PHF20L1: variants seen among roughly 807,000 people sequenced by gnomAD.
The protein encoded by PHF20L1 is PHD finger protein 20 like 1.
A neutral mutation model predicts 125.5 loss-of-function variants in PHF20L1; 44 were observed. The observed-to-expected ratio is 0.35, with a 90% CI of 0.28 to 0.45. The LOEUF (loss-of-function observed/expected upper bound fraction) is 0.45. Ranked by LOEUF, PHF20L1 falls within the 20% of genes least tolerant of loss-of-function variation. PHF20L1 has a pLI of 1.00. For synonymous variants in PHF20L1, 380 were observed against 403.1 expected, an observed-to-expected ratio of 0.94 and a Z score of 0.69; for missense variants, 1,012 against 1,217.2, an observed-to-expected ratio of 0.83 and a Z score of 2.51.
At chr8:132,822,256 C>T (rs929806755) in intron 12 of PHF20L1, among the ~76,000 whole-genome samples, 5 of 151,874 alleles carry the variant, frequency 3.3e-5, no homozygotes, top group African/African-American at 7.2e-5. Context: ...TGTTAACTTC[C>T]GTGTTTCTGG....
chr8:132,817,183 T>C, intron 11 of PHF20L1, 107 bp downstream of exon 11: 1 of 909,178 alleles, frequency 1.1e-6, no homozygotes, highest in Non-Finnish European at 1.6e-6. Flanking sequence ...TTATATCTTC[T>C]GGAGTTATAA....
chr8:132,781,032 G>A (rs1368053234), intron 2 of PHF20L1, among the ~76,000 whole-genome samples: 1 of 151,864 alleles, frequency 6.6e-6, no homozygotes, highest in Admixed American at 6.6e-5. Context: ...AATTTTTTTT[G>A]TAGAGATGAA....
chr8:132,813,134 G>A, intron 9 of PHF20L1: 2 of 973,242 alleles, frequency 2.1e-6, no homozygotes, highest in Non-Finnish European at 2.4e-6. Context: ...AGTAATGGAT[G>A]CTGTAGTGAT....
intron 1 of PHF20L1, among the ~76,000 whole-genome samples, chr8:132,776,167 C>T (rs1415444729): frequency 6.6e-6 from 1 of 152,176 alleles, no homozygotes; most frequent in Non-Finnish European, 1.5e-5. Context: ...TATGAAAGTT[C>T]CTTAATTCAA....
intron 7 of PHF20L1, among the ~76,000 whole-genome samples, chr8:132,804,368 T>G (rs1051102034): frequency 6.6e-6 from 1 of 151,878 alleles, no homozygotes; most frequent in Non-Finnish European, 1.5e-5. Flanking sequence ...TGTGTATGCT[T>G]CAATATATAA....
At chr8:132,807,740 A>C (rs1178117414) in intron 8 of PHF20L1, 1 of 455,752 alleles carries the variant, frequency 2.2e-6, no homozygotes, top group African/African-American at 2.0e-5. Context: ...CCAGCTGTGT[A>C]TTTTATAGCT....
chr8:132,817,623 G>T (rs1835123606), intron 12 of PHF20L1, 78 bp downstream of exon 12: 2 of 914,854 alleles, frequency 2.2e-6, no homozygotes, highest in Admixed American at 2.7e-5. Context: ...ACATTTTGAG[G>T]TTTAACTACA....
intron 6 of PHF20L1, among the ~76,000 whole-genome samples, chr8:132,802,144 CTT>C (rs11326219): frequency 0.021 from 2,976 of 143,672 alleles, 96 homozygotes; most frequent in African/African-American, 0.069. Flanking sequence ...TCTCTCAATC[CTT>C]TTTTTTTTTT....
intron 16 of PHF20L1, 35 bp downstream of exon 16, chr8:132,836,756 AGTT>A: frequency 6.7e-7 from 1 of 1,494,386 alleles, no homozygotes; most frequent in Middle Eastern, 1.7e-4. Flanking sequence ...ATAATGAGTT[AGTT>A]GTTTCAGGTG....
chr8:132,804,929 A>G (rs1244957748), intron 8 of PHF20L1, among the ~76,000 whole-genome samples, 189 bp downstream of exon 8: 2 of 151,950 alleles, frequency 1.3e-5, no homozygotes, highest in Admixed American at 6.6e-5. Context: ...GTAAAATGTG[A>G]AAAATACCAC....
At chr8:132,798,569 G>A (rs1019246835) in intron 4 of PHF20L1, among the ~76,000 whole-genome samples, 1 of 151,906 alleles carries the variant, frequency 6.6e-6, no homozygotes, top group African/African-American at 2.4e-5. Context: ...GACTTAATTT[G>A]TGTACTTGTT....
intron 15 of PHF20L1, among the ~76,000 whole-genome samples, chr8:132,833,276 C>T (rs1195059442): frequency 1.3e-5 from 2 of 152,084 alleles, no homozygotes; most frequent in African/African-American, 2.4e-5. Flanking sequence ...TTTGCTTTTG[C>T]ACCGTTTGCT....
intron 14 of PHF20L1, among the ~76,000 whole-genome samples, chr8:132,827,485 G>C (rs1423022360): frequency 1.3e-5 from 2 of 152,124 alleles, no homozygotes; most frequent in East Asian, 1.9e-4. Flanking sequence ...GTTCTGTTCT[G>C]ATATTTAGTA....
At position 132,844,163 on chromosome 8, in the gene PHF20L1, C is replaced by G. The variant is rs1168135847; in HGVS notation, c.2756C>G (p.Ala919Gly). ...KEHGMPEKNP[A>G]EGNTVFVYND... ...AATGGTCCTTTGGAGAAGAATCCAG[C>G]TGAAGGGAATACAGTATTTGTTTAT... Residue 919 changes from alanine to glycine, a missense_variant, in exon 20 of 21, where the codon GCT becomes GGT. Around this residue, in one of 7 missense-constraint regions of PHF20L1, gnomAD observed 277 missense variants for 283.6 expected, o/e 0.98. Transcript: ENST00000395386. 3.1e-6 allele frequency: 5 copies of G among 1,611,890 alleles called. No homozygotes were observed. The highest frequency in any genetic ancestry group is 4.2e-6 in the Non-Finnish European group (5 of 1,178,774).
chr8:132,836,371 CT>C, intron 15 of PHF20L1, 168 bp from the exon 16 acceptor site: 1 of 499,932 alleles, frequency 2.0e-6, no homozygotes, highest in Non-Finnish European at 3.5e-6. Context: ...CTTCAAAAAT[CT>C]TTTGTTTCCA....
intron 6 of PHF20L1, among the ~76,000 whole-genome samples, chr8:132,801,025 T>C (rs1193491681): frequency 1.3e-5 from 2 of 151,552 alleles, no homozygotes; most frequent in Non-Finnish European, 3.0e-5. Context: ...AACTGACATA[T>C]ATTATAGGAG....
intron 9 of PHF20L1, among the ~76,000 whole-genome samples, chr8:132,814,396 A>G (rs235433): frequency 0.41 from 62,643 of 151,670 alleles, 13,066 homozygotes; most frequent in South Asian, 0.51. Context: ...AAATATTATG[A>G]ATAATATATT....
chr8:132,825,272 AAAG>A lies in PHF20L1; in HGVS notation c.1648_1650del (p.Glu550del). 6.3e-7 allele frequency: 1 copy of A among 1,575,646 alleles called. No individual in the cohort carries two copies. The highest frequency in any genetic ancestry group is 8.7e-7 in the Non-Finnish European group (1 of 1,149,496). On this transcript the variant is annotated inframe_deletion, in exon 14 of 21. Coordinates refer to ENST00000395386, the MANE Select transcript of PHF20L1 (RefSeq NM_016018.5). ...TCACTTTTATCTTTTAGGTAAGAGA[AAAG>A]AAAAAGATAAGGAAAGAAGAGAGAA...
chr8:132,797,862 C>T (rs1238312146), intron 4 of PHF20L1, among the ~76,000 whole-genome samples: 1 of 151,846 alleles, frequency 6.6e-6, no homozygotes, highest in Non-Finnish European at 1.5e-5. Flanking sequence ...TTTATAAAGA[C>T]CAAGTATCTG....
Sources: allele counts gnomAD v4.1 joint callset (sites outside exome capture counted in the v4.1 genomes callset), GRCh38; gene constraint gnomAD v4.1.1; regional missense constraint gnomAD v4.1.1; transcripts MANE v1.5; gene names NCBI Gene and HGNC (gene_info 2026-07-23, HGNC 2026-07-21).